The following SESN2 variants were observed in gnomAD, a reference collection of about 807,000 sequenced individuals.
SESN2 encodes sestrin-2.
In SESN2, 42 loss-of-function variants were observed where a neutral mutation model predicts 56.0. That is an observed-to-expected ratio of 0.75 (90% CI 0.59 to 0.97). The LOEUF (loss-of-function observed/expected upper bound fraction) is 0.97, where lower values mean the gene tolerates loss of function less well. Among genes scored for constraint, SESN2 ranks in the 50% least tolerant of loss-of-function variants. SESN2 has a pLI of 0.00. For synonymous variants in SESN2, 264 were observed against 267.1 expected (o/e 0.99, Z 0.11); for missense variants, 507 against 649.4 (o/e 0.78, Z 2.38).
chr1:28,279,428 A>G (rs1648159079), intron 9 of SESN2, among the ~76,000 whole-genome samples, 187 bp downstream of exon 9: 1 of 152,214 alleles, frequency 6.6e-6, no homozygotes. Flanking sequence ...CTCACCTGTA[A>G]AATGGGAATG....
At chr1:28,280,009 T>C (rs1043195244) in intron 9 of SESN2, among the ~76,000 whole-genome samples, 1 of 151,980 alleles carries the variant, frequency 6.6e-6, no homozygotes, top group Non-Finnish European at 1.5e-5. Flanking sequence ...CCTGATTTTT[T>C]AAATTCCTAG....
chr1:28,281,985 CT>C lies in SESN2; in HGVS notation c.*1185del, dbSNP rs555973200. 76 of 152,402 alleles carry C rather than the reference CT, an allele frequency of 5.0e-4. No individual in the cohort carries two copies. Among genetic ancestry groups the C allele is most frequent in the African/African-American group, 1.8e-3 (75 of 41,576 alleles). 9.4% of individuals were successfully genotyped at this position (152,402 alleles called of 1,614,324 possible). A position where few individuals can be genotyped will look rare whatever the true frequency, so the allele number is the denominator to read the frequency against. ...TCTGCAGCCAGTGTCTCCTGGGTGC[CT>C]TCTGAGGACTCCCACCCCCATCCCA... On this transcript the variant is annotated 3_prime_UTR_variant, in exon 10 of 10. Transcript: ENST00000253063.
At chr1:28,274,773 C>T (rs2149039620) in intron 7 of SESN2, 52 bp from the exon 8 acceptor site, 1 of 1,430,492 alleles carries the variant, frequency 7.0e-7, no homozygotes, top group Non-Finnish European at 9.7e-7. Context: ...GGGGGTCTCT[C>T]TGGCTGGTCT....
chr1:28,277,096 A>C (rs1011477181), intron 8 of SESN2, among the ~76,000 whole-genome samples: 49 of 149,688 alleles, frequency 3.3e-4, no homozygotes, highest in Non-Finnish European at 5.2e-4. Context: ...TTTAGCAGAG[A>C]TGGGGTTTCA....
intron 8 of SESN2, among the ~76,000 whole-genome samples, 193 bp downstream of exon 8, chr1:28,275,208 C>T (rs769007765): frequency 3.9e-5 from 6 of 151,986 alleles, no homozygotes; most frequent in Non-Finnish European, 7.4e-5. Flanking sequence ...TCTTTAATTG[C>T]ACTCCCAGAG....
rs71027268 is a variant in SESN2 at position 28,262,621 on chromosome 1, C to CAAAAAAAAAA, written c.90+2697_90+2706dup. ...TGGGTGACAGAGCAAGAGTCTGTCTCAAAAAAAAAAAAAAAAAAAAAACCA... is the reference window on the plus strand; with the variant it reads ...TGGGTGACAGAGCAAGAGTCTGTCTCAAAAAAAAAAAAAAAAAAAAAAAAAAAAAAAACCA... On this transcript the variant is annotated intron_variant, in intron 1 of 9. Coordinates refer to ENST00000253063, the MANE Select transcript of SESN2 (RefSeq NM_031459.5). Among the ~76,000 whole-genome samples the CAAAAAAAAAA allele has an allele frequency of 1.6e-3, 84 of 52,478 alleles. 6 individuals carry two copies. The highest frequency in any genetic ancestry group is 7.4e-3 in the African/African-American group (79 of 10,648). The allele number at this position is 52,478 out of a possible 152,430, so 34.4% of individuals were successfully genotyped here. A position where few individuals can be genotyped will look rare whatever the true frequency, so the allele number is the denominator to read the frequency against.
chr1:28,265,884 C>T (rs963261945), intron 1 of SESN2, among the ~76,000 whole-genome samples: 3 of 152,068 alleles, frequency 2.0e-5, no homozygotes, highest in Non-Finnish European at 4.4e-5. Context: ...GCTCAAAGAC[C>T]ACCTCCTCAA....
rs1648214924 is a variant in SESN2, at chr1:28,280,820, G to A, written c.*18G>A. 1 of 1,601,968 alleles carries A rather than the reference G, an allele frequency of 6.2e-7. No individual in the cohort carries two copies. The highest frequency in any genetic ancestry group is 1.3e-5 in the African/African-American group (1 of 74,666). On this transcript the variant is annotated 3_prime_UTR_variant, in exon 10 of 10. Coordinates refer to ENST00000253063, the MANE Select transcript of SESN2 (RefSeq NM_031459.5). ...TGACCTGACTCCTGAGCAGGACCTG[G>A]GCCCGGTTCAGCTCCCCACAAGGAC...
intron 1 of SESN2, among the ~76,000 whole-genome samples, chr1:28,261,779 CTT>C (rs35935502): frequency 0.018 from 2,304 of 129,550 alleles, 67 homozygotes; most frequent in African/African-American, 0.066. Flanking sequence ...TTTTTCTTAT[CTT>C]TTTTTTTTTT....
chr1:28,272,691 C>A lies in SESN2; in HGVS notation c.648C>A (p.Ile216=). 1 of 1,613,976 alleles carries A rather than the reference C, an allele frequency of 6.2e-7. No homozygotes were observed. Among genetic ancestry groups the A allele is most frequent in the Non-Finnish European group, 8.5e-7 (1 of 1,179,872 alleles). ...SLSSFVFGCG[I]LPEGDADGSP... is the part of the protein sequence containing the mutation. ...CCTCCTTCGTGTTTGGCTGTGGCATCCTCCCTGAGGGGGATGCAGATGGCA... is the reference window on the plus strand; with the variant it reads ...CCTCCTTCGTGTTTGGCTGTGGCATACTCCCTGAGGGGGATGCAGATGGCA... Residue 216 remains isoleucine, a synonymous_variant, in exon 5 of 10, where the codon ATC becomes ATA. Coordinates refer to ENST00000253063, the MANE Select transcript of SESN2 (RefSeq NM_031459.5).
Position 28,262,717 on chromosome 1 carries a change from AGGAGATTGAGACCATTCT to A in SESN2, c.90+2783_90+2800del, listed in dbSNP as rs2149035635. ...GCCGAGGTAGGTGGATCACAAGGTCAGGAGATTGAGACCATTCTGGCTAATACGGTGAAACCCCGTCTC... is the reference window on the plus strand; with the variant it reads ...GCCGAGGTAGGTGGATCACAAGGTCAGGCTAATACGGTGAAACCCCGTCTC... On this transcript the variant is annotated intron_variant, in intron 1 of 9. Transcript: ENST00000253063. Among the ~76,000 whole-genome samples the A allele has an allele frequency of 1.3e-5, 2 of 151,880 alleles. 1 individual carries two copies. Among genetic ancestry groups the A allele is most frequent in the South Asian group, 4.2e-4 (2 of 4,810 alleles).
chr1:28,269,565 C>T (rs1273500956), intron 2 of SESN2, among the ~76,000 whole-genome samples: 1 of 152,008 alleles, frequency 6.6e-6, no homozygotes, highest in East Asian at 1.9e-4. Flanking sequence ...TCTATCTCAT[C>T]CATGACCATA....
In SESN2 at chr1:28,265,539, A is replaced by T. The variant is rs1647527144; in HGVS notation, c.91-3644A>T. Among the ~76,000 whole-genome samples the T allele has an allele frequency of 2.0e-5, 3 of 152,082 alleles. No individual in the cohort carries two copies. In the South Asian group the frequency reaches 6.2e-4, roughly 32 times the overall value. On this transcript the variant is annotated intron_variant, in intron 1 of 9. Transcript: ENST00000253063. ...CCCCCGAGTAGCTGGGACTACAGGC[A>T]TGCACCACCATGCCTGGCTAATTTT...
At chr1:28,267,500 T>G (rs1446515920) in intron 1 of SESN2, among the ~76,000 whole-genome samples, 1 of 152,064 alleles carries the variant, frequency 6.6e-6, no homozygotes, top group African/African-American at 2.4e-5. Context: ...AATTATAGTT[T>G]TTGGTTCCCG....
intron 1 of SESN2, among the ~76,000 whole-genome samples, chr1:28,268,286 A>G (rs892290263): frequency 2.0e-5 from 3 of 152,084 alleles, no homozygotes; most frequent in Non-Finnish European, 2.9e-5. Context: ...GGTGACTCCC[A>G]TCTGTAATCC....
chr1:28,278,172 C>G (rs959648372), intron 8 of SESN2, among the ~76,000 whole-genome samples: 2 of 152,168 alleles, frequency 1.3e-5, no homozygotes, highest in Non-Finnish European at 2.9e-5. Flanking sequence ...ACCTTTTTAC[C>G]CTTATCCTCT....
intron 5 of SESN2, 122 bp from the exon 6 acceptor site, chr1:28,273,236 C>A: frequency 1.1e-6 from 1 of 927,566 alleles, no homozygotes; most frequent in Non-Finnish European, 1.6e-6. Flanking sequence ...CAGTGGCTGG[C>A]ACAGAGGATG....
At chr1:28,279,755 C>G (rs539448614) in intron 9 of SESN2, among the ~76,000 whole-genome samples, 25 of 152,052 alleles carry the variant, frequency 1.6e-4, no homozygotes, top group African/African-American at 4.8e-4. Context: ...CTGTGTTAGC[C>G]AGGATGGTCT....
At chr1:28,261,779 C>CTTTT (rs35935502) in intron 1 of SESN2, among the ~76,000 whole-genome samples, 2 of 129,636 alleles carry the variant, frequency 1.5e-5, no homozygotes, top group African/African-American at 3.1e-5. Context: ...TTTTTCTTAT[C>CTTTT]TTTTTTTTTT....
Sources: allele counts gnomAD v4.1 joint callset (sites outside exome capture counted in the v4.1 genomes callset), GRCh38; gene constraint gnomAD v4.1.1; transcripts MANE v1.5; gene names NCBI Gene and HGNC (gene_info 2026-07-23, HGNC 2026-07-21).